Variants in KLHL3 observed in about 807,000 individuals in gnomAD.
KLHL3 encodes the protein kelch like family member 3.
KLHL3 carries 19 observed loss-of-function variants against 70.5 expected under a neutral mutation model. The observed-to-expected ratio is 0.27, with a 90% CI of 0.19 to 0.40. KLHL3 has a LOEUF of 0.40. KLHL3 is among the 10% of genes least tolerant of loss of function. The probability of loss-of-function intolerance (pLI) is 1.00; values close to 1 mark genes in which losing one functional copy is unlikely to be tolerated. For synonymous variants in KLHL3, 258 were observed against 290.3 expected (o/e 0.89, Z 1.13); for missense variants, 512 against 771.1 (o/e 0.66, Z 3.98).
intron 5 of KLHL3, among the ~76,000 whole-genome samples, chr5:137,690,704 T>C (rs1752299403): frequency 6.6e-6 from 1 of 152,192 alleles, no homozygotes; most frequent in South Asian, 2.1e-4. Context: ...AGGGACTTAA[T>C]CAGAGAGAAA....
At chr5:137,648,585 TG>T (rs1478298561) in intron 8 of KLHL3, among the ~76,000 whole-genome samples, 1 of 152,214 alleles carries the variant, frequency 6.6e-6, no homozygotes, top group Non-Finnish European at 1.5e-5. Context: ...GGAAAAGTGC[TG>T]GGCGGTGAAT....
At chr5:137,701,070 T>C (rs1412579954) in intron 3 of KLHL3, among the ~76,000 whole-genome samples, 2 of 152,132 alleles carry the variant, frequency 1.3e-5, no homozygotes, top group East Asian at 3.9e-4. Flanking sequence ...TTTGCTCTTG[T>C]TGCCCAGGCT....
intron 13 of KLHL3, 34 bp downstream of exon 13, chr5:137,628,263 C>A (rs1297472282): frequency 4.3e-6 from 7 of 1,611,838 alleles, no homozygotes; most frequent in Non-Finnish European, 5.9e-6. Context: ...AGGCACACAA[C>A]CCCCAAAGGG....
chr5:137,661,653 G>T (rs140070851), intron 7 of KLHL3: 148 of 338,010 alleles, frequency 4.4e-4, no homozygotes, highest in African/African-American at 2.8e-3. Flanking sequence ...TTCTATGGAA[G>T]AAAAACTGAG....
At chr5:137,640,245 C>T (rs557698132) in intron 8 of KLHL3, among the ~76,000 whole-genome samples, 1 of 152,188 alleles carries the variant, frequency 6.6e-6, no homozygotes, top group South Asian at 2.1e-4. Context: ...TATGTGAAGC[C>T]GCACAGGGCA....
chr5:137,692,672 C>A, intron 4 of KLHL3: 1 of 517,220 alleles, frequency 1.9e-6, no homozygotes, highest in Non-Finnish European at 3.5e-6. Context: ...CCATGCTTCC[C>A]AGTCTTTAAT....
intron 4 of KLHL3, among the ~76,000 whole-genome samples, chr5:137,694,652 C>T (rs1043796780): frequency 1.3e-5 from 2 of 152,190 alleles, no homozygotes; most frequent in Non-Finnish European, 2.9e-5. Flanking sequence ...CACCCCCTGG[C>T]CAGTATCAGC....
chr5:137,617,638 A>G lies in KLHL3; in HGVS notation c.*4460T>C, dbSNP rs1326830845. On this transcript the variant is annotated 3_prime_UTR_variant, in exon 15 of 15. Coordinates refer to ENST00000309755, the MANE Select transcript of KLHL3 (RefSeq NM_017415.3). ...CATGTGACAAGTGTTCTTTTACAAG[A>G]TATACAGTCCCTAACAGCCACGCAG... 2 of 152,228 alleles carry G rather than the reference A, an allele frequency of 1.3e-5. No individual in the cohort carries two copies. The highest frequency in any genetic ancestry group is 4.8e-5 in the African/African-American group (2 of 41,450). The allele number at this position is 152,228 out of a possible 1,614,324, so 9.4% of individuals were successfully genotyped here. A position where few individuals can be genotyped will look rare whatever the true frequency, so the allele number is the denominator to read the frequency against.
intron 7 of KLHL3, among the ~76,000 whole-genome samples, chr5:137,660,358 C>G (rs1252200633): frequency 6.6e-6 from 1 of 152,150 alleles, no homozygotes; most frequent in African/African-American, 2.4e-5. Flanking sequence ...GTTGCCAACC[C>G]TCCCTGTGGA....
intron 12 of KLHL3, chr5:137,629,761 GCTCT>G (rs75479112): frequency 1.3e-5 from 2 of 152,080 alleles, no homozygotes; most frequent in African/African-American, 2.4e-5. Flanking sequence ...ACCAACAATG[GCTCT>G]CTCTAACTGA....
chr5:137,691,206 C>T (rs965314636), intron 5 of KLHL3, among the ~76,000 whole-genome samples: 1 of 152,148 alleles, frequency 6.6e-6, no homozygotes, highest in Non-Finnish European at 1.5e-5. Context: ...TAGAACCATA[C>T]ACTATGCAAG....
chr5:137,640,056 T>G, intron 8 of KLHL3, 79 bp from the exon 9 acceptor site: 9 of 1,161,064 alleles, frequency 7.8e-6, no homozygotes, highest in Non-Finnish European at 1.0e-5. Flanking sequence ...CCACATGGCT[T>G]ATCGCCCAGG....
intron 5 of KLHL3, among the ~76,000 whole-genome samples, chr5:137,680,182 C>A (rs899840785): frequency 6.6e-6 from 1 of 152,196 alleles, no homozygotes; most frequent in African/African-American, 2.4e-5. Context: ...CCAGAAGATA[C>A]CTTCCTGAAT....
chr5:137,723,733 G>A (rs956314967), intron 1 of KLHL3, among the ~76,000 whole-genome samples: 2 of 152,080 alleles, frequency 1.3e-5, no homozygotes, highest in African/African-American at 4.8e-5. Context: ...AAAAAAGTTT[G>A]CACTGGCTAG....
intron 4 of KLHL3, among the ~76,000 whole-genome samples, chr5:137,694,541 A>G (rs1414946153): frequency 6.6e-6 from 1 of 152,182 alleles, no homozygotes; most frequent in African/African-American, 2.4e-5. Context: ...GGACCAGATT[A>G]GTCTCTGCCT....
At chr5:137,636,715 T>A (rs1424440512) in intron 11 of KLHL3, among the ~76,000 whole-genome samples, 1 of 151,650 alleles carries the variant, frequency 6.6e-6, no homozygotes, top group Non-Finnish European at 1.5e-5. Flanking sequence ...AAATGAGAGG[T>A]TTTTTTACAA....
At chr5:137,716,946 G>C (rs1752906034) in intron 2 of KLHL3, among the ~76,000 whole-genome samples, 1 of 152,214 alleles carries the variant, frequency 6.6e-6, no homozygotes, top group Non-Finnish European at 1.5e-5. Flanking sequence ...CATTTTCAAA[G>C]TTAATCAAGG....
chr5:137,731,076 G>A (rs1449222315), intron 1 of KLHL3, among the ~76,000 whole-genome samples: 1 of 150,584 alleles, frequency 6.6e-6, no homozygotes, highest in East Asian at 1.9e-4. Context: ...ATCAAATAAA[G>A]CACTTGCTTT....
chr5:137,623,298 T>C (rs58596329), intron 14 of KLHL3, among the ~76,000 whole-genome samples: 1 of 152,240 alleles, frequency 6.6e-6, no homozygotes, highest in East Asian at 1.9e-4. Flanking sequence ...AATGTTCTGA[T>C]TGAAGATGAG....
Sources: gnomAD v4.1 joint callset for allele counts (sites outside exome capture counted in the v4.1 genomes callset) on GRCh38, gnomAD v4.1.1 for gene constraint, MANE v1.5 for transcripts, NCBI Gene and HGNC (gene_info 2026-07-23, HGNC 2026-07-21) for gene names.